The following PCDH9 variants were observed in gnomAD, a reference collection of about 807,000 sequenced individuals.
PCDH9 encodes the protein protocadherin-9.
A neutral mutation model predicts 70.6 loss-of-function variants in PCDH9; 24 were observed. The observed-to-expected ratio is 0.34, with a 90% CI of 0.25 to 0.48. The LOEUF is 0.48. PCDH9 is among the 20% of genes least tolerant of loss of function. The pLI is 0.99. For synonymous variants in PCDH9, 562 were observed against 558.5 expected (o/e 1.01, Z -0.09); for missense variants, 1,281 against 1,503.6 (o/e 0.85, Z 2.45).
In PCDH9 at chr13:66,541,473, C is replaced by G. The variant is rs540535196; in HGVS notation, c.3340+89737G>C. ...CATGAAGATATTCGCTCTGAAGGCA[C>G]TAGGAAAAAAAATATTCCTTGCCTC... On this transcript the variant is annotated intron_variant, in intron 4 of 4. Coordinates refer to ENST00000377865, the MANE Select transcript of PCDH9 (RefSeq NM_203487.3). 3.3e-5 allele frequency among the ~76,000 whole-genome samples: 5 copies of G among 152,168 alleles called. No individual in the cohort carries two copies. The South Asian group carries it at 1.0e-3, about 32-fold the overall frequency.
chr13:66,959,761 A>G (rs1313325799), intron 2 of PCDH9, among the ~76,000 whole-genome samples: 4 of 151,890 alleles, frequency 2.6e-5, no homozygotes, highest in Non-Finnish European at 5.9e-5. Context: ...AAAAAAAAAA[A>G]AAAGAAAGAA....
intron 4 of PCDH9, among the ~76,000 whole-genome samples, chr13:66,568,577 T>G (rs1593695512): frequency 7.1e-6 from 1 of 141,294 alleles, no homozygotes; most frequent in Admixed American, 7.0e-5. Flanking sequence ...GAGTTTGAGG[T>G]GGAAGGATAG....
intron 3 of PCDH9, among the ~76,000 whole-genome samples, chr13:66,669,494 G>T (rs2078143266): frequency 6.6e-6 from 1 of 152,098 alleles, no homozygotes; most frequent in African/African-American, 2.4e-5. Context: ...AATAAATAAT[G>T]AAGTAAATTG....
intron 3 of PCDH9, among the ~76,000 whole-genome samples, chr13:66,670,982 T>C (rs1593868532): frequency 6.6e-6 from 1 of 151,830 alleles, no homozygotes; most frequent in East Asian, 1.9e-4. Flanking sequence ...CAAATCTCAC[T>C]TTGAATTGTA....
At chr13:67,180,895 A>G (rs2088597257) in intron 2 of PCDH9, among the ~76,000 whole-genome samples, 1 of 152,168 alleles carries the variant, frequency 6.6e-6, no homozygotes, top group Admixed American at 6.5e-5. Flanking sequence ...TAGCAATCCA[A>G]ATGTATTTAC....
At chr13:66,331,009 A>G (rs901277923) in intron 4 of PCDH9, among the ~76,000 whole-genome samples, 2 of 152,200 alleles carry the variant, frequency 1.3e-5, no homozygotes, top group African/African-American at 4.8e-5. Flanking sequence ...CTCCATTTTA[A>G]GAGAAAATTA....
At chr13:66,795,776 G>A (rs1452482051) in intron 3 of PCDH9, among the ~76,000 whole-genome samples, 1 of 152,148 alleles carries the variant, frequency 6.6e-6, no homozygotes, top group Non-Finnish European at 1.5e-5. Context: ...TGGAGTGTTT[G>A]CACTCATTTT....
rs1382250595 is a variant in PCDH9, at chr13:66,909,093, AT to A, written c.3037-5489del. Among the ~76,000 whole-genome samples the A allele has an allele frequency of 3.3e-5, 5 of 152,130 alleles. No homozygotes were observed. In the East Asian group the frequency reaches 9.6e-4, roughly 29 times the overall value. Reference sequence around the variant, plus strand: ...TTGCTTTTTTGAGTCTCTTCTTTAAATTTTTTTCTTTAAAACTTTGAGACAT... The same window carrying A: ...TTGCTTTTTTGAGTCTCTTCTTTAAATTTTTTCTTTAAAACTTTGAGACAT... On this transcript the variant is annotated intron_variant, in intron 2 of 4. Coordinates refer to ENST00000377865, the MANE Select transcript of PCDH9 (RefSeq NM_203487.3).
chr13:66,902,862 C>T (rs889917264), intron 3 of PCDH9, among the ~76,000 whole-genome samples: 7 of 151,456 alleles, frequency 4.6e-5, no homozygotes, highest in Non-Finnish European at 1.0e-4. Flanking sequence ...CCCAGCCATA[C>T]TGGAATAATT....
At chr13:66,659,812 G>C (rs919637468) in intron 3 of PCDH9, among the ~76,000 whole-genome samples, 3 of 152,032 alleles carry the variant, frequency 2.0e-5, no homozygotes, top group Admixed American at 2.0e-4. Context: ...GCCTGTGTGT[G>C]TGTGTTTTAG....
intron 4 of PCDH9, among the ~76,000 whole-genome samples, chr13:66,496,326 T>C (rs1200684129): frequency 6.6e-6 from 1 of 152,182 alleles, no homozygotes; most frequent in East Asian, 1.9e-4. Flanking sequence ...TACCTCCAGG[T>C]CTGTTTTCAT....
At chr13:67,063,154 G>C (rs2085572015) in intron 2 of PCDH9, among the ~76,000 whole-genome samples, 1 of 152,088 alleles carries the variant, frequency 6.6e-6, no homozygotes, top group Non-Finnish European at 1.5e-5. Context: ...CTCACTTTGT[G>C]GTCTTAGCTG....
chr13:67,125,225 C>T (rs537106727), intron 2 of PCDH9, among the ~76,000 whole-genome samples: 6 of 152,118 alleles, frequency 3.9e-5, no homozygotes, highest in Admixed American at 6.5e-5. Context: ...CTTCCTAGGA[C>T]GTCAGAGGGA....
At chr13:66,608,456 A>G (rs889028086) in intron 4 of PCDH9, among the ~76,000 whole-genome samples, 25 of 152,144 alleles carry the variant, frequency 1.6e-4, no homozygotes, top group African/African-American at 5.8e-4. Context: ...TATTATTAAG[A>G]AAGTTTCTTA....
chr13:66,983,731 A>G (rs569709180), intron 2 of PCDH9, among the ~76,000 whole-genome samples: 7 of 152,256 alleles, frequency 4.6e-5, no homozygotes, highest in African/African-American at 1.7e-4. Context: ...GGTTTCTTTT[A>G]CAGGTAAACT....
intron 4 of PCDH9, among the ~76,000 whole-genome samples, chr13:66,353,731 T>C (rs1956332320): frequency 6.6e-6 from 1 of 152,178 alleles, no homozygotes. Context: ...TGTAATACAA[T>C]GCTTCTGTTT....
At chr13:66,702,817 T>C (rs529718029) in intron 3 of PCDH9, among the ~76,000 whole-genome samples, 2 of 152,328 alleles carry the variant, frequency 1.3e-5, no homozygotes, top group South Asian at 4.1e-4. Flanking sequence ...TAATAAGGCT[T>C]CCAGTAGTTT....
intron 2 of PCDH9, among the ~76,000 whole-genome samples, chr13:67,061,968 A>G (rs1004352352): frequency 1.3e-5 from 2 of 152,196 alleles, no homozygotes; most frequent in African/African-American, 4.8e-5. Context: ...GTACAGGGCT[A>G]GTAGGCGGTA....
intron 3 of PCDH9, among the ~76,000 whole-genome samples, chr13:66,864,966 A>G (rs996416001): frequency 6.6e-6 from 1 of 152,250 alleles, no homozygotes; most frequent in African/African-American, 2.4e-5. Context: ...GAACTACAGA[A>G]GGAGGACAAA....
Sources: gnomAD v4.1 joint callset for allele counts (sites outside exome capture counted in the v4.1 genomes callset) on GRCh38, gnomAD v4.1.1 for gene constraint, MANE v1.5 for transcripts, NCBI Gene and HGNC (gene_info 2026-07-23, HGNC 2026-07-21) for gene names.